The following C2orf80 variants were observed in gnomAD, a reference collection of about 807,000 sequenced individuals.
C2orf80 encodes the protein chromosome 2 open reading frame 80, also known as uncharacterized protein C2orf80.
A neutral mutation model predicts 30.2 loss-of-function variants in C2orf80; 28 were observed. That is an observed-to-expected ratio of 0.93 (90% CI 0.69 to 1.27). The LOEUF is 1.27. Among genes scored for constraint, C2orf80 ranks in the 50% most tolerant of loss-of-function variants. The pLI is 0.00. For missense variants in C2orf80, 220 were observed against 231.0 expected, an observed-to-expected ratio of 0.95 and a Z score of 0.31; for synonymous variants, 80 against 76.4, an observed-to-expected ratio of 1.05 and a Z score of -0.24.
At chr2:208,171,197 G>C in intron 7 of C2orf80, 134 bp from the exon 8 acceptor site, 1 of 659,684 alleles carries the variant, frequency 1.5e-6, no homozygotes, top group Non-Finnish European at 2.6e-6. Flanking sequence ...TCAGGCTGGA[G>C]TGCAGTGGTT....
intron 8 of C2orf80, among the ~76,000 whole-genome samples, chr2:208,167,045 G>A (rs1230286582): frequency 6.6e-6 from 1 of 152,092 alleles, no homozygotes; most frequent in East Asian, 1.9e-4. Flanking sequence ...TTAAAGAGAT[G>A]AAAAACTAAA....
intron 4 of C2orf80, among the ~76,000 whole-genome samples, chr2:208,181,967 C>T (rs976045891): frequency 6.6e-6 from 1 of 152,146 alleles, no homozygotes; most frequent in African/African-American, 2.4e-5. Flanking sequence ...TTTTCAGATA[C>T]AAGGGCAATA....
chr2:208,183,604 G>A (rs1559344294), intron 3 of C2orf80, among the ~76,000 whole-genome samples: 1 of 152,092 alleles, frequency 6.6e-6, no homozygotes, highest in Non-Finnish European at 1.5e-5. Flanking sequence ...ATGTCTACCT[G>A]GGGAGATAGC....
intron 6 of C2orf80, among the ~76,000 whole-genome samples, chr2:208,180,009 A>G (rs1006332367): frequency 2.0e-5 from 3 of 152,204 alleles, no homozygotes; most frequent in African/African-American, 7.2e-5. Flanking sequence ...AGGAAGATGT[A>G]TCAGCAGTAA....
intron 8 of C2orf80, among the ~76,000 whole-genome samples, chr2:208,167,674 T>C (rs1202148770): frequency 2.0e-5 from 3 of 151,888 alleles, no homozygotes; most frequent in African/African-American, 7.2e-5. Flanking sequence ...CCTCCTGGGT[T>C]CAAGCAATTC....
At chr2:208,171,466 G>A (rs7425208) in intron 7 of C2orf80, among the ~76,000 whole-genome samples, 134,210 of 152,124 alleles carry the variant, frequency 0.88, 59,386 homozygotes, top group Non-Finnish European at 0.92. Flanking sequence ...GATTACAGGC[G>A]CCTACCACCA....
intron 4 of C2orf80, among the ~76,000 whole-genome samples, chr2:208,181,548 C>T (rs368889170): frequency 2.0e-5 from 3 of 152,110 alleles, no homozygotes; most frequent in African/African-American, 7.2e-5. Context: ...CAAAGATTGG[C>T]AGACTGGCCA....
At chr2:208,181,436 T>C in intron 4 of C2orf80, 131 bp from the exon 5 acceptor site, 1 of 570,464 alleles carries the variant, frequency 1.8e-6, no homozygotes, top group East Asian at 2.8e-5. Context: ...TTAATAAAAT[T>C]GGTATGATTG....
chr2:208,175,559 C>T (rs537473092), intron 6 of C2orf80, among the ~76,000 whole-genome samples: 21 of 152,210 alleles, frequency 1.4e-4, no homozygotes, highest in African/African-American at 4.3e-4. Flanking sequence ...TAGCACAGTA[C>T]CCATATTGTG....
At chr2:208,173,638 CAAA>C (rs1696183239) in intron 6 of C2orf80, among the ~76,000 whole-genome samples, 1 of 151,462 alleles carries the variant, frequency 6.6e-6, no homozygotes, top group Non-Finnish European at 1.5e-5. Flanking sequence ...AAAACAAAAA[CAAA>C]AACAAAACAC....
In C2orf80 at chr2:208,173,147, C is replaced by A. The variant is rs1029636580; in HGVS notation, c.367-1072G>T. Among the ~76,000 whole-genome samples the A allele has an allele frequency of 1.4e-4, 17 of 121,238 alleles. 1 individual carries two copies. The highest frequency in any genetic ancestry group is 4.8e-4 in the African/African-American group (16 of 33,234). 79.5% of individuals were successfully genotyped at this position (121,238 alleles called of 152,430 possible). ...AAAAAAAAAAAAAAAAAAAAAAACT[C>A]AAGTGCCTGAAATGGAAAAATAGAT... On this transcript the variant is annotated intron_variant, in intron 6 of 8. Transcript: ENST00000341287.
intron 6 of C2orf80, among the ~76,000 whole-genome samples, chr2:208,180,460 A>C (rs1241475934): frequency 6.6e-6 from 1 of 151,812 alleles, no homozygotes; most frequent in Non-Finnish European, 1.5e-5. Context: ...AAAAAAAAAA[A>C]ACAAAACCAC....
In C2orf80 at chr2:208,169,269, T is replaced by TTGTG. The variant is rs10658929; in HGVS notation, c.573+1672_573+1675dup. 2.8e-3 allele frequency among the ~76,000 whole-genome samples: 388 copies of TTGTG among 138,080 alleles called. 5 individuals are homozygous for TTGTG. Among genetic ancestry groups the TTGTG allele is most frequent in the African/African-American group, 8.8e-3 (328 of 37,162 alleles). 90.6% of individuals were successfully genotyped at this position (138,080 alleles called of 152,430 possible). On this transcript the variant is annotated intron_variant, in intron 8 of 8. Transcript: ENST00000341287. ...TGTGTGATTAAGTTTAAAGTCTAGATTGTGTGTGTGTGTGTGTGTGTGTGT... is the reference window on the plus strand; with the variant it reads ...TGTGTGATTAAGTTTAAAGTCTAGATTGTGTGTGTGTGTGTGTGTGTGTGTGTGT...
intron 6 of C2orf80, among the ~76,000 whole-genome samples, chr2:208,173,889 A>T (rs1696193257): frequency 1.3e-5 from 2 of 152,020 alleles, no homozygotes; most frequent in Non-Finnish European, 2.9e-5. Context: ...TTAAATATAT[A>T]TTGGTAAGTG....
chr2:208,183,156 C>A, intron 3 of C2orf80, 109 bp from the exon 4 acceptor site: 1 of 786,690 alleles, frequency 1.3e-6, no homozygotes, highest in Non-Finnish European at 2.1e-6. Flanking sequence ...TCTGTCATGT[C>A]CAAAATGGGA....
intron 2 of C2orf80, 87 bp downstream of exon 2, chr2:208,186,859 C>T: frequency 7.9e-6 from 9 of 1,142,920 alleles, no homozygotes; most frequent in Non-Finnish European, 1.2e-5. Flanking sequence ...TAGATTTTTA[C>T]CCACTGCCAA....
intron 8 of C2orf80, among the ~76,000 whole-genome samples, 198 bp downstream of exon 8, chr2:208,170,747 T>C (rs774816617): frequency 2.6e-5 from 4 of 152,242 alleles, no homozygotes; most frequent in Non-Finnish European, 4.4e-5. Flanking sequence ...ATCATTATTC[T>C]TCCATTTTGC....
chr2:208,169,716 A>G (rs1306100255), intron 8 of C2orf80, among the ~76,000 whole-genome samples: 2 of 143,146 alleles, frequency 1.4e-5, no homozygotes, highest in African/African-American at 5.0e-5. Flanking sequence ...CTGTCTCAAA[A>G]AAAAAAAAAA....
chr2:208,173,364 C>T (rs1005078430), intron 6 of C2orf80, among the ~76,000 whole-genome samples: 4 of 152,074 alleles, frequency 2.6e-5, no homozygotes, highest in African/African-American at 7.2e-5. Flanking sequence ...GAGGCTCAAG[C>T]GTGTAATCTC....
Sources: gnomAD v4.1 joint callset for allele counts (sites outside exome capture counted in the v4.1 genomes callset) on GRCh38, gnomAD v4.1.1 for gene constraint, MANE v1.5 for transcripts, NCBI Gene and HGNC (gene_info 2026-07-23, HGNC 2026-07-21) for gene names.